The following RAPGEF1 variants were observed in gnomAD, a reference collection of about 807,000 sequenced individuals.
The protein encoded by RAPGEF1 is CRK SH3-binding GNRP.
RAPGEF1 carries 33 observed loss-of-function variants against 143.3 expected under a neutral mutation model. That is an observed-to-expected ratio of 0.23 (90% confidence interval 0.17 to 0.31). The LOEUF is 0.31. Ranked by LOEUF, RAPGEF1 falls within the 10% of genes least tolerant of loss-of-function variation. The probability of loss-of-function intolerance (pLI) is 1.00; values close to 1 mark genes in which losing one functional copy is unlikely to be tolerated. For synonymous variants in RAPGEF1, 629 were observed against 676.5 expected (o/e 0.93, Z 1.09); for missense variants, 1,199 against 1,645.4 (o/e 0.73, Z 4.69).
intron 1 of RAPGEF1, among the ~76,000 whole-genome samples, chr9:131,703,415 A>G (rs1366920631): frequency 1.3e-5 from 2 of 152,172 alleles, no homozygotes; most frequent in Admixed American, 6.5e-5. Context: ...ATTAAATGTA[A>G]CTTCTCTGTA....
chr9:131,688,892 C>G (rs1045532729), intron 1 of RAPGEF1, among the ~76,000 whole-genome samples: 5 of 152,188 alleles, frequency 3.3e-5, no homozygotes, highest in Admixed American at 3.3e-4. Flanking sequence ...AACGAAACTT[C>G]GTCTCAAAAT....
chr9:131,696,375 T>C (rs1364618003), intron 1 of RAPGEF1, among the ~76,000 whole-genome samples: 1 of 152,198 alleles, frequency 6.6e-6, no homozygotes, highest in East Asian at 1.9e-4. Flanking sequence ...TAAAGGGCTT[T>C]CCTTAAAAAG....
At chr9:131,656,233 G>A (rs1036024261) in intron 1 of RAPGEF1, among the ~76,000 whole-genome samples, 4 of 152,158 alleles carry the variant, frequency 2.6e-5, no homozygotes, top group African/African-American at 9.7e-5. Context: ...AAGTAAATGA[G>A]ACCTTATAAA....
chr9:131,614,043 T>C (rs1194850485), intron 12 of RAPGEF1, among the ~76,000 whole-genome samples: 1 of 152,106 alleles, frequency 6.6e-6, no homozygotes, highest in African/African-American at 2.4e-5. Flanking sequence ...TCAAGGGGGC[T>C]TCACAACATG....
rs1412570417 is a variant in RAPGEF1 at position 131,629,162 on chromosome 9, G to A, written c.833C>T (p.Thr278Met). 5.6e-6 allele frequency: 9 copies of A among 1,614,034 alleles called. No homozygotes were observed. Among genetic ancestry groups the A allele is most frequent in the South Asian group, 5.5e-5 (5 of 91,090 alleles). The stretch of plus-strand genomic sequence containing the variant: ...CTTGGGGGGCGCGACCTCTTCATCC[G>A]TGGCATCTGGGAGGAGCTCAGTTGA... ...SQSTELLPDA[T>M]DEEVAPPKPP... The change falls in exon 7 of 27, where the codon ACG becomes ATG. Residue 278 changes from threonine to methionine, a missense_variant. Transcript: ENST00000683357.
intron 5 of RAPGEF1, 31 bp downstream of exon 5, chr9:131,638,604 G>C: frequency 6.2e-7 from 1 of 1,611,904 alleles, no homozygotes; most frequent in South Asian, 1.1e-5. Context: ...CTAAGTCCCT[G>C]ACTGGGACTG....
chr9:131,702,181 C>A (rs149756985), intron 1 of RAPGEF1, among the ~76,000 whole-genome samples: 2 of 152,204 alleles, frequency 1.3e-5, no homozygotes, highest in Non-Finnish European at 2.9e-5. Flanking sequence ...TCATTAGTCA[C>A]GCTGCCTAAC....
intron 1 of RAPGEF1, among the ~76,000 whole-genome samples, chr9:131,652,130 A>T (rs1334334941): frequency 6.6e-6 from 1 of 152,384 alleles, no homozygotes; most frequent in East Asian, 1.9e-4. Context: ...GGTAAACTTT[A>T]TAACCATGGC....
chr9:131,714,366 G>T (rs1835713043), intron 1 of RAPGEF1, among the ~76,000 whole-genome samples: 1 of 151,812 alleles, frequency 6.6e-6, no homozygotes, highest in Non-Finnish European at 1.5e-5. Context: ...GCTCAGAAGG[G>T]AAGGGCTCGT....
At chr9:131,735,937 C>A (rs1352508334) in intron 1 of RAPGEF1, among the ~76,000 whole-genome samples, 4 of 152,178 alleles carry the variant, frequency 2.6e-5, no homozygotes, top group Non-Finnish European at 5.9e-5. Flanking sequence ...GCGGATCCAA[C>A]CCAACATATC....
intron 14 of RAPGEF1, among the ~76,000 whole-genome samples, chr9:131,602,539 G>A (rs1956440683): frequency 6.6e-6 from 1 of 152,178 alleles, no homozygotes; most frequent in Admixed American, 6.5e-5. Context: ...TCCATGCATA[G>A]AAACAGAGGC....
chr9:131,600,522 C>A (rs1184449653), intron 15 of RAPGEF1, among the ~76,000 whole-genome samples: 1 of 152,024 alleles, frequency 6.6e-6, no homozygotes, highest in African/African-American at 2.4e-5. Context: ...GGGCAGGTGG[C>A]CCTCTTCAAC....
At chr9:131,721,899 G>A (rs2131283745) in intron 1 of RAPGEF1, among the ~76,000 whole-genome samples, 1 of 152,302 alleles carries the variant, frequency 6.6e-6, no homozygotes, top group South Asian at 2.1e-4. Flanking sequence ...ATGCCATTTT[G>A]CATCAGGGAC....
Position 131,675,403 on chromosome 9 carries a change from C to T in RAPGEF1, c.62-24454G>A, listed in dbSNP as rs1029842411. On this transcript the variant is annotated intron_variant, in intron 1 of 26. Coordinates refer to ENST00000683357, the MANE Select transcript of RAPGEF1 (RefSeq NM_001377935.1). The surrounding 1 kb of genome is among the most constrained non-coding windows in gnomAD (Gnocchi z 4.6). ...GCTTCCTGCGGGTGCCGGGACGTGC[C>T]GTCCACAGGGTTCACCATGTGTTTT... Among the ~76,000 whole-genome samples the T allele has an allele frequency of 2.6e-5, 4 of 152,102 alleles. No homozygotes were observed. Among genetic ancestry groups the T allele is most frequent in the African/African-American group, 4.8e-5 (2 of 41,400 alleles).
At chr9:131,724,544 G>A (rs916086856) in intron 1 of RAPGEF1, among the ~76,000 whole-genome samples, 5 of 152,052 alleles carry the variant, frequency 3.3e-5, no homozygotes, top group Non-Finnish European at 5.9e-5. Context: ...GCAGTGAGCC[G>A]AGATCACGCC....
chr9:131,601,912 A>T, intron 15 of RAPGEF1, 149 bp downstream of exon 15: 1 of 632,342 alleles, frequency 1.6e-6, no homozygotes, highest in Non-Finnish European at 2.7e-6. Flanking sequence ...GTCTCTAAAA[A>T]ACAAAAAAAG....
At chr9:131,706,161 C>T (rs1835040043) in intron 1 of RAPGEF1, among the ~76,000 whole-genome samples, 2 of 152,162 alleles carry the variant, frequency 1.3e-5, no homozygotes, top group African/African-American at 4.8e-5. Context: ...ACAGACCATG[C>T]TACTTTGCCC....
chr9:131,631,477 G>A (rs1033939702), intron 5 of RAPGEF1, among the ~76,000 whole-genome samples: 4 of 152,248 alleles, frequency 2.6e-5, no homozygotes, highest in African/African-American at 7.2e-5. Flanking sequence ...GTTCCCACTC[G>A]TGGATGCACC....
At chr9:131,591,974 A>C (rs1049723476) in intron 18 of RAPGEF1, 125 bp downstream of exon 18, 1 of 688,080 alleles carries the variant, frequency 1.5e-6, no homozygotes, top group Non-Finnish European at 2.5e-6. Flanking sequence ...CTGTGTCCCT[A>C]CTTCAATCAC....
Sources: gnomAD v4.1 joint callset for allele counts (sites outside exome capture counted in the v4.1 genomes callset) on GRCh38, gnomAD v4.1.1 for gene constraint, Gnocchi (gnomAD v3.1) non-coding constraint, MANE v1.5 for transcripts, NCBI Gene and HGNC (gene_info 2026-07-23, HGNC 2026-07-21) for gene names.